Variants in RIC8B observed in about 807,000 individuals in gnomAD.
RIC8B encodes the protein chaperone Ric-8B.
In RIC8B, 16 loss-of-function variants were observed where a neutral mutation model predicts 57.5. The observed-to-expected ratio is 0.28, with a 90% CI of 0.19 to 0.42. The LOEUF is 0.42. RIC8B is among the 10% of genes least tolerant of loss of function. The pLI is 1.00. For synonymous variants in RIC8B, 216 were observed against 250.8 expected (o/e 0.86, Z 1.31); for missense variants, 481 against 677.0 (o/e 0.71, Z 3.21).
Position 106,879,651 on chromosome 12 carries a change from G to A in RIC8B, c.1572-6253G>A, listed in dbSNP as rs1299871611. ...TTAGCAGTCCCAAGGGTTAGGCTGG[G>A]GCAAAATAGGGTTTCCTTTCTTGGA... On this transcript the variant is annotated intron_variant, in intron 9 of 9. Coordinates refer to ENST00000392837, the MANE Select transcript of RIC8B (RefSeq NM_001330145.2). The surrounding 1 kb of genome is among the most constrained non-coding windows in gnomAD (Gnocchi z 4.9). 2.0e-6 allele frequency: 2 copies of A among 985,278 alleles called. No homozygotes were observed. Among genetic ancestry groups the A allele is most frequent in the Non-Finnish European group, 2.4e-6 (2 of 829,936 alleles). The allele number at this position is 985,278 out of a possible 1,614,324, so 61.0% of individuals were successfully genotyped here. A position where few individuals can be genotyped will look rare whatever the true frequency, so the allele number is the denominator to read the frequency against.
intron 2 of RIC8B, 110 bp from the exon 3 acceptor site, chr12:106,814,586 C>A: frequency 8.6e-7 from 1 of 1,165,682 alleles, no homozygotes; most frequent in African/African-American, 1.5e-5. Context: ...TAATAAAAAC[C>A]TTTTCTCTCT....
At chr12:106,805,249 T>C (rs747728286) in intron 2 of RIC8B, among the ~76,000 whole-genome samples, 15 of 152,206 alleles carry the variant, frequency 9.9e-5, no homozygotes, top group Non-Finnish European at 1.5e-4. Flanking sequence ...AACCAAGTTA[T>C]ACAAGTTAGA....
chr12:106,842,001 A>T (rs1330730408), intron 4 of RIC8B, among the ~76,000 whole-genome samples: 3 of 152,204 alleles, frequency 2.0e-5, no homozygotes, highest in Non-Finnish European at 4.4e-5. Context: ...CTTCATTTAG[A>T]GACCTGATGA....
intron 3 of RIC8B, among the ~76,000 whole-genome samples, chr12:106,815,555 T>C (rs1040920011): frequency 2.0e-5 from 3 of 152,272 alleles, no homozygotes; most frequent in Admixed American, 6.5e-5. Flanking sequence ...TATAGTTTTC[T>C]GAGTTGCATT....
chr12:106,804,310 G>T (rs1005826716), intron 2 of RIC8B, among the ~76,000 whole-genome samples: 6 of 152,036 alleles, frequency 3.9e-5, no homozygotes, highest in South Asian at 2.1e-4. Flanking sequence ...CGCCTCCTGG[G>T]CCCAAGCGAT....
chr12:106,774,891 C>A, intron 1 of RIC8B, 62 bp downstream of exon 1: 1 of 1,242,174 alleles, frequency 8.1e-7, no homozygotes, highest in Non-Finnish European at 1.1e-6. Flanking sequence ...CGTGCTTGCA[C>A]ATCGCATCCT....
intron 4 of RIC8B, among the ~76,000 whole-genome samples, chr12:106,834,983 CAAAAAAA>C (rs71072695): frequency 1.6e-4 from 5 of 31,314 alleles, no homozygotes; most frequent in African/African-American, 2.4e-4. Flanking sequence ...GACTCTGTCT[CAAAAAAA>C]AAAAAAAAAA....
intron 4 of RIC8B, among the ~76,000 whole-genome samples, chr12:106,837,122 G>A (rs1220235460): frequency 6.6e-6 from 1 of 152,202 alleles, no homozygotes; most frequent in African/African-American, 2.4e-5. Context: ...CCAGCACTTT[G>A]GGAGGCTGAG....
chr12:106,792,909 G>C (rs1214658583), intron 2 of RIC8B, among the ~76,000 whole-genome samples: 1 of 152,236 alleles, frequency 6.6e-6, no homozygotes, highest in Non-Finnish European at 1.5e-5. Context: ...CCAAACTGGT[G>C]CAGGGAAGAA....
chr12:106,836,205 C>G (rs1239914330), intron 4 of RIC8B, among the ~76,000 whole-genome samples: 1 of 152,208 alleles, frequency 6.6e-6, no homozygotes, highest in East Asian at 1.9e-4. Flanking sequence ...TCTTTGTCTA[C>G]TCCTCAGCCT....
At chr12:106,855,217 T>C (rs1244105623) in intron 7 of RIC8B, among the ~76,000 whole-genome samples, 1 of 152,200 alleles carries the variant, frequency 6.6e-6, no homozygotes, top group African/African-American at 2.4e-5. Flanking sequence ...AAATTTACTG[T>C]AATACCCACT....
At chr12:106,795,069 A>G (rs1400773156) in intron 2 of RIC8B, among the ~76,000 whole-genome samples, 1 of 152,258 alleles carries the variant, frequency 6.6e-6, no homozygotes, top group African/African-American at 2.4e-5. Context: ...ACTAGGATCC[A>G]CAAGAACAAA....
chr12:106,826,782 TAAATA>T (rs2046124494), intron 4 of RIC8B, among the ~76,000 whole-genome samples: 1 of 152,012 alleles, frequency 6.6e-6, no homozygotes, highest in Non-Finnish European at 1.5e-5. Context: ...ATTTTAAAAG[TAAATA>T]AAATATATAA....
chr12:106,857,981 T>C (rs1949775337), intron 7 of RIC8B, among the ~76,000 whole-genome samples: 2 of 152,198 alleles, frequency 1.3e-5, no homozygotes. Flanking sequence ...CTGCCTGTCA[T>C]AGAGTTAGCA....
intron 7 of RIC8B, among the ~76,000 whole-genome samples, chr12:106,853,171 G>C (rs529496620): frequency 2.6e-5 from 4 of 151,940 alleles, no homozygotes; most frequent in Non-Finnish European, 4.4e-5. Flanking sequence ...TATTTCTCCT[G>C]TAATTACACA....
chr12:106,780,828 A>G (rs1215558757), intron 1 of RIC8B, among the ~76,000 whole-genome samples: 1 of 152,230 alleles, frequency 6.6e-6, no homozygotes, highest in African/African-American at 2.4e-5. Flanking sequence ...CAGATGCCAC[A>G]CCATAGGTTA....
At chr12:106,777,370 T>C (rs2043541895) in intron 1 of RIC8B, among the ~76,000 whole-genome samples, 2 of 152,186 alleles carry the variant, frequency 1.3e-5, no homozygotes, top group African/African-American at 4.8e-5. Context: ...TGCCCAGCTC[T>C]ATGGTATATG....
At chr12:106,833,998 T>C (rs1403024757) in intron 4 of RIC8B, among the ~76,000 whole-genome samples, 1 of 152,192 alleles carries the variant, frequency 6.6e-6, no homozygotes, top group Non-Finnish European at 1.5e-5. Context: ...TCCACCATGA[T>C]TGTAAGCTTC....
chr12:106,779,440 C>T (rs961011298), intron 1 of RIC8B, among the ~76,000 whole-genome samples: 1 of 151,666 alleles, frequency 6.6e-6, no homozygotes, highest in Non-Finnish European at 1.5e-5. Context: ...CCATGTTGGC[C>T]GGGCTGGTCA....
Sources: allele counts gnomAD v4.1 joint callset (sites outside exome capture counted in the v4.1 genomes callset), GRCh38; gene constraint gnomAD v4.1.1; non-coding constraint Gnocchi (gnomAD v3.1); transcripts MANE v1.5; gene names NCBI Gene and HGNC (gene_info 2026-07-23, HGNC 2026-07-21).